TECR: variants seen among roughly 807,000 people sequenced by gnomAD.
TECR encodes very-long-chain enoyl-CoA reductase.
A neutral mutation model predicts 50.6 loss-of-function variants in TECR; 19 were observed. The ratio of observed to expected loss-of-function variants is 0.38; its 90% CI spans 0.26 to 0.55. The LOEUF is 0.55. TECR is among the 20% of genes least tolerant of loss of function. The probability of loss-of-function intolerance (pLI) is 0.79; values close to 1 mark genes in which losing one functional copy is unlikely to be tolerated. For missense variants in TECR, 313 were observed against 408.3 expected, an observed-to-expected ratio of 0.77 and a Z score of 2.01; for synonymous variants, 168 against 163.5, an observed-to-expected ratio of 1.03 and a Z score of -0.21.
rs188486636 is a variant in TECR, at chr19:14,541,166, C to T, written c.15+11455C>T. 3.3e-4 allele frequency among the ~76,000 whole-genome samples: 50 copies of T among 152,132 alleles called. No individual in the cohort carries two copies. The East Asian group carries it at 7.5e-3, about 23-fold the overall frequency. ...TTTAAAGGATTTTTCTTGGTAGAGA[C>T]GCAGTCTCACCGTGTTGCCCAGGCT... is the stretch of plus-strand genomic sequence containing the variant. On this transcript the variant is annotated intron_variant, in intron 1 of 12. Coordinates refer to ENST00000215567, the MANE Select transcript of TECR (RefSeq NM_138501.6).
intron 1 of TECR, among the ~76,000 whole-genome samples, chr19:14,552,476 C>T (rs1467320397): frequency 2.0e-5 from 3 of 151,950 alleles, no homozygotes; most frequent in South Asian, 4.2e-4. Flanking sequence ...AGGGCTTCCT[C>T]GTTCCCAAGC....
chr19:14,560,022 C>T (rs1054327824), intron 1 of TECR, among the ~76,000 whole-genome samples: 5 of 152,090 alleles, frequency 3.3e-5, no homozygotes, highest in Non-Finnish European at 4.4e-5. Flanking sequence ...CCTTGCAGCC[C>T]GGGCTTACCT....
chr19:14,555,079 GTT>G (rs550695448), intron 1 of TECR, among the ~76,000 whole-genome samples: 6 of 142,454 alleles, frequency 4.2e-5, no homozygotes, highest in African/African-American at 5.1e-5. Flanking sequence ...GCCTGGCCTT[GTT>G]TTTTTTTTTT....
chr19:14,563,194 T>C lies in TECR; in HGVS notation c.67-12T>C. 2.5e-6 allele frequency: 4 copies of C among 1,613,874 alleles called. No individual in the cohort carries two copies. Among genetic ancestry groups the C allele is most frequent in the Non-Finnish European group, 3.4e-6 (4 of 1,179,892 alleles). ...CGCAGAGCTGACGTCCCTGCGCCTG[T>C]GCTTCCCCCAGGTGGAGCCCCACGC... On this transcript the variant is annotated splice_polypyrimidine_tract_variant and intron_variant, in intron 2 of 12. Coordinates refer to ENST00000215567, the MANE Select transcript of TECR (RefSeq NM_138501.6). This position sits in a 1 kb window ranked among gnomAD's most constrained non-coding sequence, Gnocchi z 5.3.
Position 14,562,522 on chromosome 19 carries a change from G to T in TECR, c.16-3G>T, listed in dbSNP as rs1264599586. On this transcript the variant is annotated splice_region_variant and splice_polypyrimidine_tract_variant and intron_variant, in intron 1 of 12. Coordinates refer to ENST00000215567, the MANE Select transcript of TECR (RefSeq NM_138501.6). Reference sequence around the variant, plus strand: ...ACCTAAAAAGGCTGTTCTCTTCTTCGAGGTGGAGATTCTGGACGCAAAGAC... The same window carrying T: ...ACCTAAAAAGGCTGTTCTCTTCTTCTAGGTGGAGATTCTGGACGCAAAGAC... 1 of 1,614,088 alleles carries T rather than the reference G, an allele frequency of 6.2e-7. No individual in the cohort carries two copies. The highest frequency in any genetic ancestry group is 8.5e-7 in the Non-Finnish European group (1 of 1,180,024).
intron 1 of TECR, among the ~76,000 whole-genome samples, chr19:14,549,361 C>CAT (rs2073414980): frequency 2.0e-5 from 3 of 151,868 alleles, no homozygotes; most frequent in Non-Finnish European, 4.4e-5. Context: ...TACAGGCATG[C>CAT]GCCACCATGC....
At chr19:14,539,472 A>G (rs2073022483) in intron 1 of TECR, among the ~76,000 whole-genome samples, 1 of 152,056 alleles carries the variant, frequency 6.6e-6, no homozygotes, top group Non-Finnish European at 1.5e-5. Flanking sequence ...ACCTAGGAGC[A>G]CACTGCTTCT....
chr19:14,529,417 TACAGGCGTTCCGCCCCCTTCG>T, upstream of TECR: 1 of 601,012 alleles, frequency 1.7e-6, no homozygotes, highest in Non-Finnish European at 3.0e-6. Flanking sequence ...TAGCCCCTCC[TACAGGCGTTCCGCCCCCTTCG>T]ATTGGTCTCG....
intron 1 of TECR, among the ~76,000 whole-genome samples, chr19:14,551,968 TCTCTTTCTCTC>T (rs2146604246): frequency 8.2e-6 from 1 of 121,870 alleles, no homozygotes; most frequent in African/African-American, 3.0e-5. Context: ...TCTCTCTCTC[TCTCTTTCTCTC>T]TTTTTTTTTT....
At position 14,565,808 on chromosome 19, in the gene TECR, C is replaced by T. The variant is rs745697598; in HGVS notation, c.864C>T (p.Ser288=). 8.1e-5 allele frequency: 130 copies of T among 1,603,246 alleles called. No individual in the cohort carries two copies. Among genetic ancestry groups the T allele is most frequent in the Admixed American group, 3.8e-4 (22 of 58,428 alleles). ...MTIWAKGKHR[S]YLKEFRDYPP... ...TCTGGGCCAAGGGCAAGCACCGCAG[C>T]TACCTGAAGGAGTTCCGGGACTACC... The change falls in exon 13 of 13, where the codon AGC becomes AGT. Residue 288 remains serine (S), a synonymous_variant. Transcript: ENST00000215567.
intron 2 of TECR, 40 bp downstream of exon 2, chr19:14,562,615 G>A: frequency 1.9e-6 from 3 of 1,609,722 alleles, no homozygotes; most frequent in Non-Finnish European, 2.6e-6. Context: ...CAAGGGCACT[G>A]GGCCCGGGAC....
intron 1 of TECR, among the ~76,000 whole-genome samples, chr19:14,552,123 G>A (rs1482403893): frequency 3.3e-5 from 5 of 149,686 alleles, no homozygotes; most frequent in Admixed American, 6.7e-5. Context: ...ACAGGCATGA[G>A]CCACCGCGCC....
intron 1 of TECR, among the ~76,000 whole-genome samples, chr19:14,548,334 C>A (rs1363654101): frequency 6.6e-6 from 1 of 152,122 alleles, no homozygotes; most frequent in Non-Finnish European, 1.5e-5. Context: ...CATTTCCCCA[C>A]CCCCTTGGTG....
At chr19:14,534,593 G>T (rs2072798740) in intron 1 of TECR, among the ~76,000 whole-genome samples, 1 of 151,830 alleles carries the variant, frequency 6.6e-6, no homozygotes, top group Non-Finnish European at 1.5e-5. Context: ...GTGCCACCAT[G>T]CCCGGCTAAT....
rs576546578 is a variant in TECR, at chr19:14,530,321, CT to C, written c.15+612del. Reference sequence around the variant, plus strand: ...AATCTTATACCCACCCACAGCCACTCTTGAAGCCCAAGTCTTCTGACTCCTA... The same window carrying C: ...AATCTTATACCCACCCACAGCCACTCTGAAGCCCAAGTCTTCTGACTCCTA... On this transcript the variant is annotated intron_variant, in intron 1 of 12. Transcript: ENST00000215567. 5.9e-3 allele frequency: 926 copies of C among 155,748 alleles called. 15 individuals are homozygous for C. Among genetic ancestry groups the C allele is most frequent in the African/African-American group, 0.02 (851 of 41,568 alleles). 9.6% of individuals were successfully genotyped at this position (155,748 alleles called of 1,614,324 possible). A position where few individuals can be genotyped will look rare whatever the true frequency, so the allele number is the denominator to read the frequency against.
At chr19:14,562,487 T>C in intron 1 of TECR, 38 bp from the exon 2 acceptor site, 2 of 1,613,806 alleles carry the variant, frequency 1.2e-6, no homozygotes, top group Non-Finnish European at 1.7e-6. Flanking sequence ...CCCCCAAAGG[T>C]GGCCAAGAAA....
chr19:14,551,795 T>C (rs1240807602), intron 1 of TECR, among the ~76,000 whole-genome samples: 1 of 152,064 alleles, frequency 6.6e-6, no homozygotes, highest in Non-Finnish European at 1.5e-5. Flanking sequence ...GAGGATCGCA[T>C]CCAGGGTGGT....
intron 1 of TECR, among the ~76,000 whole-genome samples, chr19:14,538,575 C>G (rs1252647738): frequency 6.7e-6 from 1 of 150,322 alleles, no homozygotes; most frequent in Non-Finnish European, 1.5e-5. Flanking sequence ...CCTCTGTCAC[C>G]AGGCTGGAGT....
chr19:14,536,561 C>G (rs777687224), intron 1 of TECR: 1 of 152,178 alleles, frequency 6.6e-6, no homozygotes, highest in Non-Finnish European at 1.5e-5. Flanking sequence ...TGAGCCACAG[C>G]GGCTGGCCTT....
Sources: gnomAD v4.1 joint callset for allele counts (sites outside exome capture counted in the v4.1 genomes callset) on GRCh38, gnomAD v4.1.1 for gene constraint, Gnocchi (gnomAD v3.1) non-coding constraint, MANE v1.5 for transcripts, NCBI Gene and HGNC (gene_info 2026-07-23, HGNC 2026-07-21) for gene names.